The following COL14A1 variants were observed in gnomAD, a reference collection of about 807,000 sequenced individuals.
The protein encoded by COL14A1 is collagen alpha-1(XIV) chain.
A neutral mutation model predicts 230.3 loss-of-function variants in COL14A1; 136 were observed. The observed-to-expected ratio is 0.59, with a 90% CI of 0.51 to 0.68. COL14A1 has a LOEUF of 0.68. COL14A1 is among the 30% of genes least tolerant of loss of function. The pLI is 0.00. For missense variants in COL14A1, 1,976 were observed against 2,215.8 expected, an observed-to-expected ratio of 0.89 and a Z score of 2.17; for synonymous variants, 792 against 784.1, an observed-to-expected ratio of 1.01 and a Z score of -0.17.
intron 5 of COL14A1, among the ~76,000 whole-genome samples, chr8:120,190,499 A>G (rs1056493793): frequency 1.3e-5 from 2 of 151,922 alleles, no homozygotes; most frequent in South Asian, 2.1e-4. Flanking sequence ...ATTAGATCCC[A>G]TTTGTCAATT....
intron 42 of COL14A1, among the ~76,000 whole-genome samples, chr8:120,340,763 T>A (rs1207119855): frequency 6.6e-6 from 1 of 152,164 alleles, no homozygotes; most frequent in Non-Finnish European, 1.5e-5. Context: ...CACATAAATG[T>A]GAGCTCCCAT....
At chr8:120,257,350 G>A (rs906138703) in intron 23 of COL14A1, among the ~76,000 whole-genome samples, 1 of 152,168 alleles carries the variant, frequency 6.6e-6, no homozygotes, top group African/African-American at 2.4e-5. Context: ...AACAAAATTA[G>A]CCACATTTCA....
chr8:120,132,582 C>A (rs115200404), intron 1 of COL14A1, among the ~76,000 whole-genome samples: 1,379 of 129,966 alleles, frequency 0.011, 21 homozygotes, highest in African/African-American at 0.038. Flanking sequence ...TTTTCTATTT[C>A]TGTGAAAAAT....
rs561565542 is a variant in COL14A1, at chr8:120,251,993, T to C, written c.2752+1227T>C. Among the ~76,000 whole-genome samples, 14 of 151,984 alleles carry C rather than the reference T, an allele frequency of 9.2e-5. No individual in the cohort carries two copies. The South Asian group carries it at 2.9e-3, about 32-fold the overall frequency. ...GTTTCAAATACTCACTATTCTTTCA[T>C]TTTTTTTCTAGCTTTATTGAGGTAT... is the stretch of plus-strand genomic sequence containing the variant. On this transcript the variant is annotated intron_variant, in intron 22 of 47. Transcript: ENST00000297848.
At chr8:120,182,902 A>C (rs1816512042) in intron 5 of COL14A1, among the ~76,000 whole-genome samples, 1 of 151,470 alleles carries the variant, frequency 6.6e-6, no homozygotes, top group Non-Finnish European at 1.5e-5. Flanking sequence ...AATTTTTTGT[A>C]TTTTAGTACA....
chr8:120,242,676 C>T (rs1341166951), intron 19 of COL14A1, among the ~76,000 whole-genome samples: 2 of 150,532 alleles, frequency 1.3e-5, no homozygotes, highest in Non-Finnish European at 3.0e-5. Context: ...CTCAGGACCC[C>T]GAGTCCACAC....
chr8:120,328,597 T>G (rs952628761), intron 40 of COL14A1, among the ~76,000 whole-genome samples: 4 of 152,112 alleles, frequency 2.6e-5, no homozygotes, highest in African/African-American at 9.7e-5. Context: ...AGCTCATATG[T>G]AGGAGCAACA....
At chr8:120,153,722 T>C (rs1039824914) in intron 2 of COL14A1, among the ~76,000 whole-genome samples, 5 of 152,196 alleles carry the variant, frequency 3.3e-5, no homozygotes, top group African/African-American at 7.2e-5. Flanking sequence ...TAAGCAAAAA[T>C]GTATTCACCA....
intron 36 of COL14A1, among the ~76,000 whole-genome samples, chr8:120,306,207 A>C (rs1338123112): frequency 1.3e-5 from 2 of 152,156 alleles, no homozygotes; most frequent in Non-Finnish European, 2.9e-5. Context: ...AGCCAGCATT[A>C]ATACATGTTT....
chr8:120,278,005 A>G, intron 26 of COL14A1, 106 bp from the exon 27 acceptor site: 1 of 1,033,394 alleles, frequency 9.7e-7, no homozygotes, highest in East Asian at 2.8e-5. Flanking sequence ...CAGATTTTGT[A>G]ATGAGATAAT....
At chr8:120,274,649 A>G (rs1030949928) in intron 26 of COL14A1, among the ~76,000 whole-genome samples, 1 of 151,896 alleles carries the variant, frequency 6.6e-6, no homozygotes, top group Non-Finnish European at 1.5e-5. Flanking sequence ...AAATCAATGT[A>G]TACAAATCAG....
chr8:120,153,487 T>A (rs1815357240), intron 2 of COL14A1, among the ~76,000 whole-genome samples: 1 of 152,158 alleles, frequency 6.6e-6, no homozygotes, highest in Non-Finnish European at 1.5e-5. Context: ...ACCCCGCCAA[T>A]AATCAAAAAA....
In COL14A1 at chr8:120,144,811, C is replaced by T. The variant is rs1053371713; in HGVS notation, c.-37-2995C>T. Among the ~76,000 whole-genome samples, 8 of 151,958 alleles carry T rather than the reference C, an allele frequency of 5.3e-5. No individual in the cohort carries two copies. The South Asian group carries it at 1.0e-3, about 20-fold the overall frequency. ...TATTAAAAACGAATCTATCAGATAACAGTGTTGGAAAGAGTCCATTAATAA... is the reference window on the plus strand; with the variant it reads ...TATTAAAAACGAATCTATCAGATAATAGTGTTGGAAAGAGTCCATTAATAA... On this transcript the variant is annotated intron_variant, in intron 1 of 47. Transcript: ENST00000297848.
intron 40 of COL14A1, among the ~76,000 whole-genome samples, chr8:120,329,317 T>A (rs897509554): frequency 6.6e-6 from 1 of 152,098 alleles, no homozygotes; most frequent in Non-Finnish European, 1.5e-5. Flanking sequence ...CCATTTAACA[T>A]AATTTATTGG....
At chr8:120,303,163 G>A (rs7341686) in intron 36 of COL14A1, among the ~76,000 whole-genome samples, 105,462 of 152,068 alleles carry the variant, frequency 0.69, 38,251 homozygotes, top group African/African-American at 0.92. Flanking sequence ...TTTTCTACAT[G>A]TAGAATCATG....
chr8:120,309,532 T>G (rs1820959758), intron 36 of COL14A1, among the ~76,000 whole-genome samples: 1 of 152,062 alleles, frequency 6.6e-6, no homozygotes. Flanking sequence ...TGAGGGGAAA[T>G]ATGAATGACA....
At chr8:120,294,649 C>T (rs1256940871) in intron 34 of COL14A1, among the ~76,000 whole-genome samples, 1 of 151,550 alleles carries the variant, frequency 6.6e-6, no homozygotes, top group Admixed American at 6.6e-5. Context: ...ATATGTATGT[C>T]ATTGCTTTTG....
At chr8:120,289,847 A>C in intron 34 of COL14A1, 81 bp downstream of exon 34, 1 of 1,435,878 alleles carries the variant, frequency 7.0e-7, no homozygotes, top group Non-Finnish European at 9.4e-7. Flanking sequence ...TTTCCAGGGG[A>C]AAGGTTTAAC....
In COL14A1 at chr8:120,310,021, C is replaced by T. The variant is rs777204643; in HGVS notation, c.4414C>T (p.Leu1472Phe). The change falls in exon 37 of 48, where the codon CTC becomes TTC. Residue 1472 changes from leucine to phenylalanine, a missense_variant. Coordinates refer to ENST00000297848, the MANE Select transcript of COL14A1 (RefSeq NM_021110.4). ...GPAGPPGGPG[L>F]RGPKGQQGEP... ...ATCTGTTTGCCAGGGTGGTCCAGGACTCCGAGGACCAAAGGGCCAGCAAGG... is the reference window on the plus strand; with the variant it reads ...ATCTGTTTGCCAGGGTGGTCCAGGATTCCGAGGACCAAAGGGCCAGCAAGG... The T allele has an allele frequency of 6.2e-7, 1 of 1,613,808 alleles. No individual in the cohort carries two copies. The highest frequency in any genetic ancestry group is 1.3e-5 in the African/African-American group (1 of 74,902).
Sources: gnomAD v4.1 joint callset for allele counts (sites outside exome capture counted in the v4.1 genomes callset) on GRCh38, gnomAD v4.1.1 for gene constraint, MANE v1.5 for transcripts, NCBI Gene and HGNC (gene_info 2026-07-23, HGNC 2026-07-21) for gene names.